The following ABCB4 variants were observed in gnomAD, a reference collection of about 807,000 sequenced individuals.
ABCB4 encodes ATP binding cassette subfamily B member 4, also known as phosphatidylcholine translocator ABCB4.
Under a neutral mutation model 145.7 loss-of-function variants are expected in ABCB4, and 76 were observed. The observed-to-expected ratio is 0.52, with a 90% CI of 0.43 to 0.63. The LOEUF is 0.63. Among genes scored for constraint, ABCB4 ranks in the 30% least tolerant of loss-of-function variants. ABCB4 has a pLI of 0.00. For synonymous variants in ABCB4, 517 were observed against 566.8 expected (o/e 0.91, Z 1.25); for missense variants, 1,234 against 1,553.1 (o/e 0.79, Z 3.45).
At chr7:87,385,510 G>T in the ABCB4 span, among the ~76,000 whole-genome samples, 1 of 152,032 alleles carries the variant, frequency 6.6e-6, no homozygotes, top group Non-Finnish European at 1.5e-5. Context: ...TTTGCATATA[G>T]AAATGCTACT....
At chr7:87,371,154 CCTAA>C in the ABCB4 span, among the ~76,000 whole-genome samples, 2 of 152,196 alleles carry the variant, frequency 1.3e-5, no homozygotes, top group Middle Eastern at 3.4e-3. Context: ...AAAATTTTTC[CCTAA>C]CTCAGTGCCA....
rs1414670574 is a variant in ABCB4, at chr7:87,475,370, G to A, written c.80+16C>T. On this transcript the variant is annotated intron_variant, in intron 2 of 27. Transcript: ENST00000649586. ...TTGGCGTGTAACGGAAAAGCCAGTGGCTGCTGGGGATGTACCTGCTGATGC... is the reference window on the plus strand; with the variant it reads ...TTGGCGTGTAACGGAAAAGCCAGTGACTGCTGGGGATGTACCTGCTGATGC... 6.2e-7 allele frequency: 1 copy of A among 1,614,164 alleles called. No homozygotes were observed. The highest frequency in any genetic ancestry group is 8.5e-7 in the Non-Finnish European group (1 of 1,179,978).
intron 14 of ABCB4, among the ~76,000 whole-genome samples, chr7:87,433,666 A>ATTG (rs199783668): frequency 1.1e-4 from 15 of 133,110 alleles, no homozygotes; most frequent in East Asian, 6.2e-4. Context: ...GACACAAAAA[A>ATTG]TTGTTGTTGT....
At chr7:87,404,240 C>T (rs2116320852) in intron 26 of ABCB4, among the ~76,000 whole-genome samples, 1 of 152,202 alleles carries the variant, frequency 6.6e-6, no homozygotes, top group East Asian at 1.9e-4. Context: ...AATAATTAAG[C>T]TCTACGTCAG....
chr7:87,372,828 T>A, the ABCB4 span, among the ~76,000 whole-genome samples: 1 of 152,166 alleles, frequency 6.6e-6, no homozygotes, highest in African/African-American at 2.4e-5. Flanking sequence ...TTTACAGATA[T>A]GCCACATTTT....
the ABCB4 span, among the ~76,000 whole-genome samples, chr7:87,387,929 G>T: frequency 1.6e-4 from 25 of 152,324 alleles, no homozygotes; most frequent in East Asian, 3.3e-3. Flanking sequence ...TCCAGCCTGG[G>T]CGACAGAGCA....
chr7:87,400,665 C>A (rs533385537), downstream of ABCB4, among the ~76,000 whole-genome samples: 119 of 152,296 alleles, frequency 7.8e-4, 1 homozygote, highest in Middle Eastern at 0.017. Flanking sequence ...CAAATTTGAA[C>A]ACCAGAAATG....
chr7:87,406,571 T>C, intron 25 of ABCB4, 77 bp from the exon 26 acceptor site: 1 of 1,512,882 alleles, frequency 6.6e-7, no homozygotes, highest in Non-Finnish European at 9.0e-7. Context: ...GATTGTCCAT[T>C]TGGAGGATCG....
Position 87,408,200 on chromosome 7 carries a change from A to T in ABCB4, c.3116T>A (p.Val1039Asp). The T allele has an allele frequency of 6.2e-7, 1 of 1,614,176 alleles. No homozygotes were observed. The highest frequency in any genetic ancestry group is 1.1e-5 in the South Asian group (1 of 91,088). Residue 1039 changes from valine to aspartate, a missense_variant, in exon 25 of 28, where the codon GTC becomes GAC. Physicochemically the swap from Val to Asp is radical, Grantham distance 152. Transcript: ENST00000649586. ...KFEGNITFNE[V>D]VFNYPTRANV... ...TGCTCGGGTGGGATAGTTGAACACG[A>T]CTTCATTAAATGTTATATTTCCTTC...
chr7:87,377,200 A>G, the ABCB4 span: 5 of 508,872 alleles, frequency 9.8e-6, no homozygotes, highest in Non-Finnish European at 1.0e-5. Flanking sequence ...CATATCACAT[A>G]TCAGTGTTGC....
At position 87,406,467 on chromosome 7, in the gene ABCB4, G is replaced by C; in HGVS notation, c.3307C>G (p.Leu1103Val). The change falls in exon 26 of 28, where the codon CTC becomes GTC. Residue 1103 changes from leucine (L) to valine (V), a missense_variant. Physicochemically the swap from Leu to Val is conservative, Grantham distance 32 (BLOSUM62 1). Around this residue, in one of 7 missense-constraint regions of ABCB4, gnomAD observed 301 missense variants for 389.0 expected, o/e 0.77. Coordinates refer to ENST00000649586, the MANE Select transcript of ABCB4 (RefSeq NM_000443.4). The stretch of plus-strand genomic sequence containing the variant: ...TGAGCTCTGAGCCACTGGACATTGA[G>C]TTTCTTTGCTTCTTGACCATCGAGA... ...VLLDGQEAKK[L>V]NVQWLRAQLG... The C allele has an allele frequency of 6.2e-7, 1 of 1,613,870 alleles. No individual in the cohort carries two copies. The highest frequency in any genetic ancestry group is 8.5e-7 in the Non-Finnish European group (1 of 1,179,982).
rs1333531794 is a variant in ABCB4, at chr7:87,462,875, T to C, written c.169A>G (p.Met57Val). ...RYSDWQDKLF[M>V]SLGTIMAIAH... ...ATGGCCATGATGGTACCCAGCGACATAAACAATTTATCCTGCCAATCGGAG... is the reference window on the plus strand; with the variant it reads ...ATGGCCATGATGGTACCCAGCGACACAAACAATTTATCCTGCCAATCGGAG... The change falls in exon 4 of 28, where the codon ATG (methionine) becomes GTG (valine). Residue 57 changes from methionine (M) to valine (V), a missense_variant. Met to Val is a conservative substitution (Grantham distance 21). This residue lies in a region of ABCB4 where 77 missense variants were observed against 73.3 expected (regional missense o/e 1.05). Transcript: ENST00000649586. The C allele has an allele frequency of 2.5e-6, 4 of 1,613,780 alleles. No homozygotes were observed. Among genetic ancestry groups the C allele is most frequent in the African/African-American group, 2.7e-5 (2 of 74,910 alleles).
chr7:87,454,012 G>A (rs1009712144), intron 5 of ABCB4, among the ~76,000 whole-genome samples: 1 of 152,136 alleles, frequency 6.6e-6, no homozygotes, highest in African/African-American at 2.4e-5. Context: ...TTAGTAGAAA[G>A]TTAGTATTTT....
At chr7:87,414,645 C>G (rs1211782885) in intron 21 of ABCB4, among the ~76,000 whole-genome samples, 1 of 152,064 alleles carries the variant, frequency 6.6e-6, no homozygotes, top group Non-Finnish European at 1.5e-5. Context: ...AGCATAAGAT[C>G]TTAATTTTAG....
At chr7:87,454,396 T>C in intron 5 of ABCB4, 139 bp downstream of exon 5, 1 of 674,512 alleles carries the variant, frequency 1.5e-6, no homozygotes, top group South Asian at 2.0e-5. Flanking sequence ...TTACTTTAAA[T>C]TGGGATTTGG....
intron 19 of ABCB4, 107 bp downstream of exon 19, chr7:87,419,891 A>G: frequency 8.3e-7 from 1 of 1,200,790 alleles, no homozygotes; most frequent in Non-Finnish European, 1.2e-6. Context: ...TTGCGTGAAT[A>G]CCCTGGGGGG....
At chr7:87,382,038 A>G in the ABCB4 span, 1 of 1,572,692 alleles carries the variant, frequency 6.4e-7, no homozygotes, top group Non-Finnish European at 8.7e-7. Flanking sequence ...TAATAGTTCT[A>G]TAGATAAAAT....
chr7:87,414,359 C>T (rs1412455825), intron 21 of ABCB4, among the ~76,000 whole-genome samples: 1 of 152,176 alleles, frequency 6.6e-6, no homozygotes, highest in African/African-American at 2.4e-5. Context: ...GTGTAAGAAG[C>T]TGGTCTGAAT....
intron 27 of ABCB4, among the ~76,000 whole-genome samples, chr7:87,402,721 G>T (rs1807882857): frequency 6.6e-6 from 1 of 152,096 alleles, no homozygotes; most frequent in Admixed American, 6.6e-5. Flanking sequence ...ACCACTATCA[G>T]CCGGGCAAGG....
Sources: allele counts gnomAD v4.1 joint callset (sites outside exome capture counted in the v4.1 genomes callset), GRCh38; gene constraint gnomAD v4.1.1; regional missense constraint gnomAD v4.1.1; transcripts MANE v1.5; gene names NCBI Gene and HGNC (gene_info 2026-07-23, HGNC 2026-07-21).